Variants in MEMO1 observed in about 807,000 individuals in gnomAD.
The protein encoded by MEMO1 is mediator of cell motility 1.
In MEMO1, 6 loss-of-function variants were observed where a neutral mutation model predicts 45.2. That is an observed-to-expected ratio of 0.13 (90% CI 0.07 to 0.26). MEMO1 has a LOEUF of 0.26. Ranked by LOEUF, MEMO1 falls within the 10% of genes least tolerant of loss-of-function variation. MEMO1 has a pLI of 1.00. For missense variants in MEMO1, 184 were observed against 370.5 expected (o/e 0.50, Z 4.13); for synonymous variants, 78 against 124.3 (o/e 0.63, Z 2.48).
chr2:31,905,098 G>A (rs557712081), intron 6 of MEMO1, among the ~76,000 whole-genome samples: 53 of 152,238 alleles, frequency 3.5e-4, no homozygotes, highest in African/African-American at 1.3e-3. Context: ...GCCAGGGGTG[G>A]GGGTGCACAC....
At chr2:31,945,873 A>G (rs1223166430) in intron 2 of MEMO1, among the ~76,000 whole-genome samples, 1 of 152,240 alleles carries the variant, frequency 6.6e-6, no homozygotes, top group Non-Finnish European at 1.5e-5. Flanking sequence ...ACTATGTGTG[A>G]CAAATGATGG....
At chr2:32,007,920 T>C (rs913398260) in intron 2 of MEMO1, among the ~76,000 whole-genome samples, 1 of 152,174 alleles carries the variant, frequency 6.6e-6, no homozygotes, top group African/African-American at 2.4e-5. Flanking sequence ...CAATTATTAC[T>C]CAAGTTTAAA....
intron 2 of MEMO1, among the ~76,000 whole-genome samples, chr2:31,956,684 G>C (rs193063933): frequency 6.6e-6 from 1 of 152,294 alleles, no homozygotes; most frequent in East Asian, 1.9e-4. Context: ...GGAAAACAAT[G>C]AAGCAAAATT....
chr2:31,899,848 C>A (rs1373220368), intron 6 of MEMO1, among the ~76,000 whole-genome samples: 17 of 152,052 alleles, frequency 1.1e-4, no homozygotes, highest in Admixed American at 1.1e-3. Context: ...AAAAAAACAA[C>A]CCCATCAAAA....
chr2:31,944,791 T>G (rs1666006719), intron 2 of MEMO1, among the ~76,000 whole-genome samples: 1 of 152,200 alleles, frequency 6.6e-6, no homozygotes, highest in Non-Finnish European at 1.5e-5. Flanking sequence ...TCTTGAAGAG[T>G]TGTCCTCATT....
intron 6 of MEMO1, among the ~76,000 whole-genome samples, chr2:31,916,008 G>A (rs1013658599): frequency 6.6e-6 from 1 of 151,882 alleles, no homozygotes; most frequent in Non-Finnish European, 1.5e-5. Flanking sequence ...ACTATCTAAG[G>A]GTCAATATTA....
chr2:31,966,456 C>T (rs964390655), intron 2 of MEMO1, among the ~76,000 whole-genome samples: 3 of 152,136 alleles, frequency 2.0e-5, no homozygotes, highest in African/African-American at 4.8e-5. Flanking sequence ...TCTGGCCAGG[C>T]GCGGTGGCTC....
chr2:31,896,668 T>C (rs1439333608), intron 6 of MEMO1, among the ~76,000 whole-genome samples: 1 of 152,124 alleles, frequency 6.6e-6, no homozygotes. Context: ...AAAAAGTTGA[T>C]AACTGAATTT....
Position 31,969,578 on chromosome 2 carries a change from T to G in MEMO1, c.62-26195A>C, listed in dbSNP as rs1358257881. ...ACTTTCTAAATCTTTTCTGGGGGTG[T>G]GTGTGTGGGTGTGTGTGTGTGTGTG... On this transcript the variant is annotated intron_variant, in intron 2 of 9. Coordinates refer to ENST00000404530, the MANE Select transcript of MEMO1 (RefSeq NM_001301833.4). Among the ~76,000 whole-genome samples the G allele has an allele frequency of 4.9e-5, 5 of 102,154 alleles. No individual in the cohort carries two copies. The East Asian group carries it at 1.3e-3, about 27-fold the overall frequency. The allele number at this position is 102,154 out of a possible 152,430, so 67.0% of individuals were successfully genotyped here.
At chr2:31,937,915 T>A (rs897701686) in intron 3 of MEMO1, among the ~76,000 whole-genome samples, 3 of 152,224 alleles carry the variant, frequency 2.0e-5, no homozygotes, top group African/African-American at 4.8e-5. Context: ...TTCTGCATAG[T>A]GCAAGACAAG....
chr2:31,999,984 C>T (rs1015100600), intron 2 of MEMO1, among the ~76,000 whole-genome samples: 3 of 151,354 alleles, frequency 2.0e-5, no homozygotes, highest in African/African-American at 4.9e-5. Context: ...TCAGGCAATC[C>T]TCCTGCCTCA....
At chr2:31,929,490 T>C (rs1443598383) in intron 4 of MEMO1, among the ~76,000 whole-genome samples, 1 of 152,244 alleles carries the variant, frequency 6.6e-6, no homozygotes, top group Non-Finnish European at 1.5e-5. Context: ...TTGAAATTCC[T>C]CTCCAGATAT....
At chr2:31,870,388 G>T (rs1461097065) in intron 8 of MEMO1, among the ~76,000 whole-genome samples, 1 of 151,904 alleles carries the variant, frequency 6.6e-6, no homozygotes, top group Non-Finnish European at 1.5e-5. Flanking sequence ...CCTCCTATTG[G>T]CATGAAAAAT....
At chr2:31,910,622 G>A (rs1299902501) in intron 6 of MEMO1, among the ~76,000 whole-genome samples, 4 of 152,162 alleles carry the variant, frequency 2.6e-5, no homozygotes, top group African/African-American at 9.7e-5. Context: ...TACTTTGGGA[G>A]GACAAGACAG....
intron 6 of MEMO1, among the ~76,000 whole-genome samples, chr2:31,896,329 C>G (rs150636276): frequency 1.8e-4 from 27 of 152,214 alleles, no homozygotes; most frequent in African/African-American, 5.8e-4. Context: ...ACTATAAGAG[C>G]TAAAACTGTA....
chr2:31,869,768 T>A (rs1673395563), intron 9 of MEMO1, 80 bp downstream of exon 9: 2 of 1,435,654 alleles, frequency 1.4e-6, no homozygotes, highest in African/African-American at 3.0e-5. Context: ...AAACCAATGA[T>A]GCCATTGTAT....
At chr2:31,965,579 T>G (rs1446104618) in intron 2 of MEMO1, among the ~76,000 whole-genome samples, 2 of 152,154 alleles carry the variant, frequency 1.3e-5, no homozygotes, top group Admixed American at 1.3e-4. Context: ...CAGAAATACC[T>G]GGGTATGTGA....
At chr2:31,923,550 GT>G in intron 4 of MEMO1, 1 of 1,323,126 alleles carries the variant, frequency 7.6e-7, no homozygotes, top group Middle Eastern at 1.9e-4. Context: ...ATGACACTTT[GT>G]TTTAAATTAA....
rs142208871 is a variant in MEMO1 at position 31,957,288 on chromosome 2, A to C, written c.62-13905T>G. ...GTATTATCTATCAAAAAATTAAGTA[A>C]TAAAAAATATGGTGCAATCATATAA... On this transcript the variant is annotated intron_variant, in intron 2 of 9. Transcript: ENST00000404530. 8.2e-3 allele frequency among the ~76,000 whole-genome samples: 1,249 copies of C among 152,330 alleles called. 18 individuals carry two copies. The highest frequency in any genetic ancestry group is 0.012 in the Non-Finnish European group (841 of 68,026).
Sources: allele counts gnomAD v4.1 joint callset (sites outside exome capture counted in the v4.1 genomes callset), GRCh38; gene constraint gnomAD v4.1.1; transcripts MANE v1.5; gene names NCBI Gene and HGNC (gene_info 2026-07-23, HGNC 2026-07-21).